RBFOX1: variants seen among roughly 807,000 people sequenced by gnomAD.
RBFOX1 encodes RNA binding fox-1 homolog 1, also known as RNA binding protein fox-1 homolog 1.
In RBFOX1, 8 loss-of-function variants were observed where a neutral mutation model predicts 57.7. The observed-to-expected ratio is 0.14, with a 90% CI of 0.08 to 0.25. The LOEUF (loss-of-function observed/expected upper bound fraction) is 0.25. RBFOX1 is among the 10% of genes least tolerant of loss of function. RBFOX1 has a pLI of 1.00. For synonymous variants in RBFOX1, 326 were observed against 222.4 expected, an observed-to-expected ratio of 1.47 and a Z score of -4.15; for missense variants, 611 against 548.5, an observed-to-expected ratio of 1.11 and a Z score of -1.14.
At chr16:5,533,418 G>A (rs976395681) in intron 2 of RBFOX1, among the ~76,000 whole-genome samples, 1 of 152,200 alleles carries the variant, frequency 6.6e-6, no homozygotes, top group Non-Finnish European at 1.5e-5. Context: ...CATCACTGGG[G>A]AAGGGGTGAT....
chr16:7,433,627 C>T (rs2098699597), intron 4 of RBFOX1, among the ~76,000 whole-genome samples: 1 of 152,320 alleles, frequency 6.6e-6, no homozygotes, highest in African/African-American at 2.4e-5. Context: ...GAAGAGTTGT[C>T]TGGGAGATAG....
chr16:7,454,614 G>T (rs80119450), intron 4 of RBFOX1, among the ~76,000 whole-genome samples: 4,618 of 152,266 alleles, frequency 0.03, 94 homozygotes, highest in Middle Eastern at 0.044. Flanking sequence ...AAAGATGTGT[G>T]GTATCAACTC....
intron 4 of RBFOX1, among the ~76,000 whole-genome samples, chr16:7,468,385 G>C (rs557342638): frequency 2.0e-5 from 3 of 151,854 alleles, no homozygotes; most frequent in South Asian, 4.2e-4. Context: ...ACTGTGTCAA[G>C]CTGTTAGGGA....
At chr16:5,479,205 C>G (rs560085771) in intron 2 of RBFOX1, among the ~76,000 whole-genome samples, 1 of 152,128 alleles carries the variant, frequency 6.6e-6, no homozygotes, top group African/African-American at 2.4e-5. Flanking sequence ...TGATTTCCTT[C>G]ATGGCCCTTG....
intron 1 of RBFOX1, among the ~76,000 whole-genome samples, chr16:5,430,739 C>T (rs562172340): frequency 1.1e-3 from 164 of 152,284 alleles, no homozygotes; most frequent in South Asian, 8.3e-4. Context: ...TCAGACCAGA[C>T]GCCTCATTGT....
chr16:7,332,877 T>A, intron 4 of RBFOX1: 1 of 1,543,348 alleles, frequency 6.5e-7, no homozygotes, highest in Non-Finnish European at 8.7e-7. Flanking sequence ...GATGAGTGCT[T>A]GGCTCCTGAC....
chr16:5,279,670 T>C (rs1391427006), intron 1 of RBFOX1, among the ~76,000 whole-genome samples: 1 of 146,440 alleles, frequency 6.8e-6, no homozygotes, highest in African/African-American at 2.5e-5. Context: ...CCTGGCTAAT[T>C]GTTGTATTTT....
chr16:5,393,650 C>T (rs151289103), intron 1 of RBFOX1, among the ~76,000 whole-genome samples: 1 of 151,484 alleles, frequency 6.6e-6, no homozygotes, highest in Admixed American at 6.6e-5. Context: ...TCCTGTTGCT[C>T]TTTTCAAAAA....
At chr16:7,190,461 C>A (rs1000633354) in intron 4 of RBFOX1, among the ~76,000 whole-genome samples, 1 of 152,176 alleles carries the variant, frequency 6.6e-6, no homozygotes, top group Admixed American at 6.5e-5. Context: ...TCCACAAATT[C>A]CCAACAGGTA....
chr16:6,510,923 G>A (rs1452000857), intron 2 of RBFOX1, among the ~76,000 whole-genome samples: 1 of 152,018 alleles, frequency 6.6e-6, no homozygotes, highest in Non-Finnish European at 1.5e-5. Context: ...ATAATTTTAA[G>A]CATGAAAGAC....
At chr16:7,241,128 A>G (rs1271029894) in intron 4 of RBFOX1, among the ~76,000 whole-genome samples, 1 of 152,230 alleles carries the variant, frequency 6.6e-6, no homozygotes, top group East Asian at 1.9e-4. Context: ...GACCCGAGGC[A>G]GAAGTATCCC....
intron 4 of RBFOX1, among the ~76,000 whole-genome samples, chr16:7,379,830 C>T (rs2097757354): frequency 2.0e-5 from 3 of 151,818 alleles, no homozygotes; most frequent in African/African-American, 7.3e-5. Flanking sequence ...CCCTCCTCTT[C>T]CTTCCCTTCC....
At chr16:6,934,819 C>T (rs990113330) in intron 3 of RBFOX1, among the ~76,000 whole-genome samples, 2 of 152,106 alleles carry the variant, frequency 1.3e-5, no homozygotes, top group Admixed American at 6.5e-5. Flanking sequence ...GGTGCGGTGG[C>T]TCCTGCAGGT....
chr16:6,415,774 C>T (rs142930958), intron 2 of RBFOX1, among the ~76,000 whole-genome samples: 72 of 152,278 alleles, frequency 4.7e-4, no homozygotes, highest in East Asian at 7.7e-4. Context: ...CCCCCACAAC[C>T]TCAGGATATC....
In RBFOX1 at chr16:7,654,080, C is replaced by T. The variant is rs1480882134; in HGVS notation, c.890+133C>T. Reference sequence around the variant, plus strand: ...CCCAGAACCGCCCCCAGCATGCAGCCCGGCCGCGCACCTGCAGTGGAGCAC... The same window carrying T: ...CCCAGAACCGCCCCCAGCATGCAGCTCGGCCGCGCACCTGCAGTGGAGCAC... On this transcript the variant is annotated intron_variant, in intron 12 of 15. Coordinates refer to ENST00000550418, the MANE Select transcript of RBFOX1 (RefSeq NM_018723.4). 7.5e-5 allele frequency: 69 copies of T among 914,548 alleles called. 1 individual carries two copies. Among genetic ancestry groups the T allele is most frequent in the Non-Finnish European group, 2.5e-5 (16 of 633,040 alleles). The allele number at this position is 914,548 out of a possible 1,614,324, so 56.7% of individuals were successfully genotyped here.
chr16:7,415,644 C>G (rs1449360516), intron 4 of RBFOX1, among the ~76,000 whole-genome samples: 4 of 152,150 alleles, frequency 2.6e-5, no homozygotes, highest in African/African-American at 9.7e-5. Context: ...ATTGTATTCT[C>G]TGTTCTCTCT....
At chr16:5,657,645 T>G (rs932859723) in intron 3 of RBFOX1, among the ~76,000 whole-genome samples, 4 of 139,694 alleles carry the variant, frequency 2.9e-5, no homozygotes, top group Non-Finnish European at 6.2e-5. Context: ...TCTTTCTTTC[T>G]TTCTTTCTTT....
At chr16:7,266,788 CAT>C (rs1299959292) in intron 4 of RBFOX1, among the ~76,000 whole-genome samples, 19 of 152,162 alleles carry the variant, frequency 1.2e-4, no homozygotes, top group Middle Eastern at 3.4e-3. Flanking sequence ...AATAAGAAAA[CAT>C]GTACCGATTA....
chr16:7,382,458 AAATG>A (rs1284842894), intron 4 of RBFOX1, among the ~76,000 whole-genome samples: 6 of 152,238 alleles, frequency 3.9e-5, no homozygotes, highest in Non-Finnish European at 8.8e-5. Flanking sequence ...GGCTTTAATT[AAATG>A]AAAGTACTTG....
Sources: gnomAD v4.1 joint callset for allele counts (sites outside exome capture counted in the v4.1 genomes callset) on GRCh38, gnomAD v4.1.1 for gene constraint, MANE v1.5 for transcripts, NCBI Gene and HGNC (gene_info 2026-07-23, HGNC 2026-07-21) for gene names.